GNB4: variants seen among roughly 807,000 people sequenced by gnomAD.
GNB4 encodes guanine nucleotide-binding protein subunit beta-4.
Under a neutral mutation model 45.2 loss-of-function variants are expected in GNB4, and 28 were observed. The ratio of observed to expected loss-of-function variants is 0.62; its 90% CI spans 0.46 to 0.85. GNB4 has a LOEUF of 0.85. Among genes scored for constraint, GNB4 ranks in the 40% least tolerant of loss-of-function variants. The pLI, the probability that GNB4 is intolerant of heterozygous loss-of-function variation, is 0.00. For synonymous variants in GNB4, 132 were observed against 143.7 expected, an observed-to-expected ratio of 0.92 and a Z score of 0.58; for missense variants, 321 against 425.4, an observed-to-expected ratio of 0.75 and a Z score of 2.16.
chr3:179,436,118 C>T (rs967898401), intron 1 of GNB4, among the ~76,000 whole-genome samples: 1 of 152,104 alleles, frequency 6.6e-6, no homozygotes, highest in Non-Finnish European at 1.5e-5. Context: ...AAGGATAGGC[C>T]GGATCTGCAG....
At chr3:179,516,884 GC>G in the GNB4 span, among the ~76,000 whole-genome samples, 1 of 152,166 alleles carries the variant, frequency 6.6e-6, no homozygotes, top group African/African-American at 2.4e-5. Context: ...CATAACCATT[GC>G]GCTGAGTGAT....
At chr3:179,511,058 C>T in the GNB4 span, among the ~76,000 whole-genome samples, 17 of 152,280 alleles carry the variant, frequency 1.1e-4, no homozygotes, top group African/African-American at 4.1e-4. Context: ...GTATGGCTGA[C>T]CATCCCTGGG....
At chr3:179,472,302 A>T in the GNB4 span, among the ~76,000 whole-genome samples, 24 of 150,692 alleles carry the variant, frequency 1.6e-4, no homozygotes, top group African/African-American at 5.4e-4. Flanking sequence ...TATTCACCAA[A>T]TTTTCTTATA....
the GNB4 span, chr3:179,464,939 G>A: frequency 3.9e-6 from 6 of 1,540,854 alleles, no homozygotes; most frequent in Non-Finnish European, 4.5e-6. Context: ...TGTGGTTGTG[G>A]CTGGAAGGTC....
the GNB4 span, among the ~76,000 whole-genome samples, chr3:179,495,467 C>A: frequency 6.7e-6 from 1 of 148,824 alleles, no homozygotes. Flanking sequence ...CAGAGTGAGA[C>A]CCCATCATGA....
At chr3:179,439,210 C>T (rs558619530) in intron 1 of GNB4, among the ~76,000 whole-genome samples, 60 of 152,268 alleles carry the variant, frequency 3.9e-4, no homozygotes, top group African/African-American at 1.4e-3. Context: ...TTTACACAAG[C>T]AGTTTAACAT....
chr3:179,503,535 A>G, the GNB4 span, among the ~76,000 whole-genome samples: 1 of 152,254 alleles, frequency 6.6e-6, no homozygotes, highest in African/African-American at 2.4e-5. Flanking sequence ...CCATGGCTTT[A>G]TCTCCAACAA....
At chr3:179,524,073 G>T in the GNB4 span, among the ~76,000 whole-genome samples, 1 of 152,210 alleles carries the variant, frequency 6.6e-6, no homozygotes, top group African/African-American at 2.4e-5. Context: ...AAGTAATGTG[G>T]AGTGGGTAGC....
chr3:179,406,355 T>C (rs1714469988), intron 8 of GNB4, among the ~76,000 whole-genome samples: 1 of 152,196 alleles, frequency 6.6e-6, no homozygotes, highest in Non-Finnish European at 1.5e-5. Flanking sequence ...TCTCTTATCC[T>C]GTATTATATG....
chr3:179,454,786 A>G (rs1167973312), upstream of GNB4, among the ~76,000 whole-genome samples: 1 of 152,196 alleles, frequency 6.6e-6, no homozygotes, highest in Non-Finnish European at 1.5e-5. Context: ...ATGAGGCCAA[A>G]TTATATACAT....
upstream of GNB4, chr3:179,451,627 G>A (rs1577043914): frequency 1.3e-5 from 2 of 151,504 alleles, no homozygotes; most frequent in Middle Eastern, 3.4e-3. Flanking sequence ...GCCCGGGCGG[G>A]GGGCGAAGGG....
the GNB4 span, among the ~76,000 whole-genome samples, chr3:179,482,322 C>T: frequency 6.6e-6 from 1 of 152,178 alleles, no homozygotes; most frequent in South Asian, 2.1e-4. Context: ...AGGCATACAT[C>T]AGCGAAGATT....
chr3:179,525,136 A>G, the GNB4 span, among the ~76,000 whole-genome samples: 1 of 152,192 alleles, frequency 6.6e-6, no homozygotes, highest in Non-Finnish European at 1.5e-5. Context: ...AGCAGAGACT[A>G]GGGAGGGACC....
At chr3:179,419,642 T>G (rs1304018226) in intron 3 of GNB4, 137 bp from the exon 4 acceptor site, 11 of 639,048 alleles carry the variant, frequency 1.7e-5, no homozygotes, top group Non-Finnish European at 2.8e-5. Context: ...ATGTATATAA[T>G]TCCACAGAGC....
At chr3:179,509,307 C>T in the GNB4 span, among the ~76,000 whole-genome samples, 1 of 151,352 alleles carries the variant, frequency 6.6e-6, no homozygotes, top group Non-Finnish European at 1.5e-5. Context: ...TTTAATTTAA[C>T]CCAAAGAGAT....
chr3:179,500,592 T>C, the GNB4 span, among the ~76,000 whole-genome samples: 3 of 152,246 alleles, frequency 2.0e-5, no homozygotes, highest in Admixed American at 1.3e-4. Flanking sequence ...ATATGAAATT[T>C]AAAGTAGTCT....
rs1460729200 is a variant in GNB4, at chr3:179,399,197, T to C, written c.*2016A>G. The stretch of plus-strand genomic sequence containing the variant: ...AATAAACATTAATAGCAAAAGTTCA[T>C]ATAATTTTTTTTTTTTCCAATTTGA... On this transcript the variant is annotated 3_prime_UTR_variant, in exon 10 of 10. Transcript: ENST00000232564. 2.6e-5 allele frequency: 4 copies of C among 152,008 alleles called. No individual in the cohort carries two copies. The highest frequency in any genetic ancestry group is 3.8e-4 in the East Asian group (2 of 5,200). The allele number at this position is 152,008 out of a possible 1,614,324, so 9.4% of individuals were successfully genotyped here.
At chr3:179,425,496 A>G (rs1444188074) in intron 2 of GNB4, among the ~76,000 whole-genome samples, 1 of 152,152 alleles carries the variant, frequency 6.6e-6, no homozygotes, top group Non-Finnish European at 1.5e-5. Flanking sequence ...TCTGAGACAG[A>G]GTCTCGCTCT....
chr3:179,403,653 C>G (rs544660458), intron 9 of GNB4, among the ~76,000 whole-genome samples: 4 of 151,832 alleles, frequency 2.6e-5, no homozygotes, highest in African/African-American at 9.7e-5. Context: ...ATTAGCTGGG[C>G]GTGGTGGTGT....
Sources: allele counts gnomAD v4.1 joint callset (sites outside exome capture counted in the v4.1 genomes callset), GRCh38; gene constraint gnomAD v4.1.1; transcripts MANE v1.5; gene names NCBI Gene and HGNC (gene_info 2026-07-23, HGNC 2026-07-21).